Variants in NRG3 observed in about 807,000 individuals in gnomAD.
The protein encoded by NRG3 is neuregulin 3.
NRG3 carries 31 observed loss-of-function variants against 66.9 expected under a neutral mutation model. The observed-to-expected ratio is 0.46, with a 90% CI of 0.35 to 0.63. The LOEUF (loss-of-function observed/expected upper bound fraction) is 0.63. NRG3 is among the 20% of genes least tolerant of loss of function. The pLI is 0.00. For missense variants in NRG3, 910 were observed against 878.9 expected, an observed-to-expected ratio of 1.04 and a Z score of -0.45; for synonymous variants, 393 against 359.4, an observed-to-expected ratio of 1.09 and a Z score of -1.06.
chr10:82,917,564 G>C (rs764902102), intron 4 of NRG3, among the ~76,000 whole-genome samples: 1 of 151,966 alleles, frequency 6.6e-6, no homozygotes, highest in Non-Finnish European at 1.5e-5. Context: ...TATTTTTCTG[G>C]TGCCTGTCCT....
At chr10:81,923,880 C>T (rs889008974) in intron 1 of NRG3, among the ~76,000 whole-genome samples, 3 of 152,160 alleles carry the variant, frequency 2.0e-5, no homozygotes, top group East Asian at 1.9e-4. Flanking sequence ...GGCCTTTGCC[C>T]TCAGGTGGCA....
intron 2 of NRG3, among the ~76,000 whole-genome samples, chr10:82,535,796 G>C (rs112646721): frequency 9.9e-5 from 15 of 152,040 alleles, no homozygotes; most frequent in African/African-American, 3.6e-4. Context: ...GATACAAGTT[G>C]CCTGCACATT....
In NRG3 at chr10:82,102,095, TATATATATATGTGTATTC is replaced by T. The variant is rs1465600777; in HGVS notation, c.823+225943_823+225960del. 3.4e-4 allele frequency among the ~76,000 whole-genome samples: 37 copies of T among 107,934 alleles called. 3 individuals carry two copies. In the South Asian group the frequency reaches 3.5e-3, roughly 10 times the overall value. 70.8% of individuals were successfully genotyped at this position (107,934 alleles called of 152,430 possible). A position where few individuals can be genotyped will look rare whatever the true frequency, so the allele number is the denominator to read the frequency against. ...GTATACATATATATATGTGTATTCATATATATATATGTGTATTCATATATATATATGTGTATTCATATA... is the reference window on the plus strand; with the variant it reads ...GTATACATATATATATGTGTATTCATATATATATATATGTGTATTCATATA... On this transcript the variant is annotated intron_variant, in intron 1 of 8. Transcript: ENST00000372141.
intron 4 of NRG3, among the ~76,000 whole-genome samples, chr10:82,907,809 A>G (rs1333568391): frequency 6.6e-6 from 1 of 152,210 alleles, no homozygotes; most frequent in Non-Finnish European, 1.5e-5. Flanking sequence ...GCTGCAGCCC[A>G]TGTTTTGAGG....
intron 3 of NRG3, among the ~76,000 whole-genome samples, chr10:82,825,283 T>C (rs552831484): frequency 6.6e-6 from 1 of 152,330 alleles, no homozygotes; most frequent in South Asian, 2.1e-4. Context: ...GATTTATTTC[T>C]AAGAGTTTTA....
At chr10:82,856,504 G>A (rs2063808407) in intron 3 of NRG3, among the ~76,000 whole-genome samples, 2 of 152,052 alleles carry the variant, frequency 1.3e-5, no homozygotes, top group African/African-American at 4.8e-5. Flanking sequence ...CAGCACTTTG[G>A]GAGGCCAAGG....
intron 1 of NRG3, among the ~76,000 whole-genome samples, chr10:82,125,763 G>A (rs967904706): frequency 1.3e-5 from 2 of 151,606 alleles, no homozygotes; most frequent in Admixed American, 6.6e-5. Context: ...CAATGTCCCC[G>A]GCTCACTAGA....
chr10:82,021,746 G>A lies in NRG3; in HGVS notation c.823+145583G>A, dbSNP rs984349970. ...GATAATTTTATATCAGCCTGATGGC[G>A]TTGTTTACTGAAACTCTAATAAGCT... On this transcript the variant is annotated intron_variant, in intron 1 of 8. Coordinates refer to ENST00000372141, the MANE Select transcript of NRG3 (RefSeq NM_001010848.4). Among the ~76,000 whole-genome samples the A allele has an allele frequency of 5.3e-5, 8 of 151,104 alleles. 1 individual carries two copies. The highest frequency in any genetic ancestry group is 2.0e-4 in the East Asian group (1 of 5,100).
At chr10:82,038,001 AG>A (rs1245356245) in intron 1 of NRG3, among the ~76,000 whole-genome samples, 2 of 152,098 alleles carry the variant, frequency 1.3e-5, no homozygotes, top group Non-Finnish European at 2.9e-5. Context: ...GAGCAAAAAA[AG>A]AAGAAAGAAT....
chr10:82,190,602 G>T (rs1176489330), intron 1 of NRG3, among the ~76,000 whole-genome samples: 3 of 152,138 alleles, frequency 2.0e-5, no homozygotes, highest in Non-Finnish European at 4.4e-5. Flanking sequence ...GGAGATAGTG[G>T]TTTCACTGTT....
At chr10:82,272,703 C>A (rs764485669) in intron 1 of NRG3, among the ~76,000 whole-genome samples, 3 of 152,058 alleles carry the variant, frequency 2.0e-5, no homozygotes, top group Non-Finnish European at 2.9e-5. Context: ...ATCCTGTTCT[C>A]TGACAATAAT....
At chr10:81,882,510 C>A (rs968831783) in intron 1 of NRG3, among the ~76,000 whole-genome samples, 29 of 152,066 alleles carry the variant, frequency 1.9e-4, no homozygotes, top group Admixed American at 1.8e-3. Context: ...AGCTGTGCAA[C>A]CTTTAGGAAC....
chr10:82,065,351 A>G (rs2064393627), intron 1 of NRG3, among the ~76,000 whole-genome samples: 1 of 152,240 alleles, frequency 6.6e-6, no homozygotes. Flanking sequence ...ATGTGTATAA[A>G]TAGAGTGGGG....
At chr10:82,546,303 T>C (rs986425031) in intron 2 of NRG3, among the ~76,000 whole-genome samples, 1 of 152,212 alleles carries the variant, frequency 6.6e-6, no homozygotes, top group Non-Finnish European at 1.5e-5. Flanking sequence ...TCATCTCTTC[T>C]TAATTAATAA....
At chr10:82,705,195 A>C (rs2056193961) in intron 2 of NRG3, among the ~76,000 whole-genome samples, 1 of 152,324 alleles carries the variant, frequency 6.6e-6, no homozygotes, top group South Asian at 2.1e-4. Context: ...AACAGATACA[A>C]GACAAGCCCT....
intron 3 of NRG3, among the ~76,000 whole-genome samples, chr10:82,857,350 G>A (rs1223523970): frequency 6.6e-6 from 1 of 152,206 alleles, no homozygotes; most frequent in East Asian, 1.9e-4. Context: ...ATCATGCTCT[G>A]TAACACAGCC....
At chr10:82,193,274 T>C (rs2074262998) in intron 1 of NRG3, among the ~76,000 whole-genome samples, 1 of 151,948 alleles carries the variant, frequency 6.6e-6, no homozygotes, top group South Asian at 2.1e-4. Flanking sequence ...TCCTGAAGAG[T>C]TGGGATTACA....
At chr10:82,497,145 T>C (rs186291286) in intron 2 of NRG3, among the ~76,000 whole-genome samples, 1 of 152,200 alleles carries the variant, frequency 6.6e-6, no homozygotes, top group East Asian at 1.9e-4. Context: ...GGCAAATAAT[T>C]AGCATGAAAT....
intron 1 of NRG3, among the ~76,000 whole-genome samples, chr10:82,118,215 C>CT (rs1288704911): frequency 7.5e-6 from 1 of 133,284 alleles, no homozygotes; most frequent in African/African-American, 3.3e-5. Context: ...AGTAAGGACT[C>CT]TAAAAAAAAA....
Sources: gnomAD v4.1 joint callset for allele counts (sites outside exome capture counted in the v4.1 genomes callset) on GRCh38, gnomAD v4.1.1 for gene constraint, MANE v1.5 for transcripts, NCBI Gene and HGNC (gene_info 2026-07-23, HGNC 2026-07-21) for gene names.